Variants in AFF2 observed in about 807,000 individuals in gnomAD.
AFF2 encodes the protein ALF transcription elongation factor 2.
In AFF2, 14 loss-of-function variants were observed where a neutral mutation model predicts 76.9. The ratio of observed to expected loss-of-function variants is 0.18; its 90% confidence interval spans 0.12 to 0.28. The LOEUF (loss-of-function observed/expected upper bound fraction) is 0.28, where lower values mean the gene tolerates loss of function less well. Among genes scored for constraint, AFF2 ranks in the 10% least tolerant of loss-of-function variants. The probability of loss-of-function intolerance (pLI) is 1.00; values close to 1 mark genes in which losing one functional copy is unlikely to be tolerated. For synonymous variants in AFF2, 398 were observed against 366.7 expected, an observed-to-expected ratio of 1.09 and a Z score of -0.98; for missense variants, 868 against 1,001.1, an observed-to-expected ratio of 0.87 and a Z score of 1.79.
chrX:148,720,421 G>A (rs1557263694), intron 3 of AFF2, among the ~76,000 whole-genome samples: 1 of 106,909 alleles, frequency 9.4e-6, no homozygotes, highest in East Asian at 2.9e-4. Flanking sequence ...TTCATATATA[G>A]ATATATATAT....
intron 3 of AFF2, among the ~76,000 whole-genome samples, chrX:148,743,770 A>T (rs1182689280): frequency 9.0e-6 from 1 of 111,052 alleles, no homozygotes; most frequent in Admixed American, 9.6e-5. Context: ...GGGTGGTCAG[A>T]GTAGGGTGTA....
At chrX:148,851,292 CT>C (rs782280314) in intron 7 of AFF2, among the ~76,000 whole-genome samples, 5 of 111,768 alleles carry the variant, frequency 4.5e-5, no homozygotes, top group Non-Finnish European at 7.5e-5. Flanking sequence ...TGACAAATGC[CT>C]TTCTTTGTGG....
At chrX:148,820,607 T>C (rs1356979137) in intron 4 of AFF2, among the ~76,000 whole-genome samples, 1 of 111,792 alleles carries the variant, frequency 8.9e-6, no homozygotes, top group Non-Finnish European at 1.9e-5. Flanking sequence ...TATATCTCTA[T>C]AAAAAATGAC....
chrX:148,668,476 G>C (rs140255990), intron 3 of AFF2, among the ~76,000 whole-genome samples: 6 of 112,501 alleles, frequency 5.3e-5, no homozygotes, highest in African/African-American at 1.9e-4. Context: ...TGGGGGCCCC[G>C]CCTCTGCAGT....
chrX:148,832,537 A>G (rs2070467016), intron 4 of AFF2, among the ~76,000 whole-genome samples: 1 of 112,405 alleles, frequency 8.9e-6, no homozygotes, highest in Non-Finnish European at 1.9e-5. Context: ...TTGCTAAGCC[A>G]AGGCATGCAG....
At chrX:148,958,554 G>A (rs2072070429) in intron 12 of AFF2, 96 bp downstream of exon 12, 38 of 1,065,850 alleles carry the variant, frequency 3.6e-5, no homozygotes, top group Non-Finnish European at 4.5e-5. Flanking sequence ...TGCCCCAGAA[G>A]ACTTTAAGGT....
At chrX:148,735,479 A>C (rs1446127494) in intron 3 of AFF2, among the ~76,000 whole-genome samples, 2 of 112,009 alleles carry the variant, frequency 1.8e-5, no homozygotes, top group Non-Finnish European at 3.8e-5. Flanking sequence ...GAGAATATTA[A>C]AATTTGTTTT....
intron 7 of AFF2, among the ~76,000 whole-genome samples, chrX:148,867,786 T>A (rs1159578377): frequency 9.0e-6 from 1 of 111,679 alleles, no homozygotes; most frequent in Non-Finnish European, 1.9e-5. Context: ...TGTGGTACTC[T>A]GGAATCTTTG....
chrX:148,521,489 C>T lies in AFF2; in HGVS notation c.47+20345C>T, dbSNP rs781921438. Reference sequence around the variant, plus strand: ...TGTCTACCTTTGGTGGTAACTAACACTGCAGCACATTTCGTAGGAGGTAGT... The same window carrying T: ...TGTCTACCTTTGGTGGTAACTAACATTGCAGCACATTTCGTAGGAGGTAGT... On this transcript the variant is annotated intron_variant, in intron 1 of 20. Transcript: ENST00000370460. Among the ~76,000 whole-genome samples, 3 of 111,000 alleles carry T rather than the reference C, an allele frequency of 2.7e-5. No individual in the cohort carries two copies. The East Asian group carries it at 8.6e-4, about 32-fold the overall frequency.
At chrX:148,526,448 C>T (rs148337143) in intron 1 of AFF2, among the ~76,000 whole-genome samples, 1 of 103,042 alleles carries the variant, frequency 9.7e-6, no homozygotes, top group Non-Finnish European at 2.0e-5. Context: ...CTCCTATGTC[C>T]TTTTGATTAT....
At chrX:148,698,211 C>A (rs1460389525) in intron 3 of AFF2, among the ~76,000 whole-genome samples, 1 of 112,296 alleles carries the variant, frequency 8.9e-6, no homozygotes, top group Admixed American at 9.4e-5. Flanking sequence ...CAGGAAGACT[C>A]AAAATTGTTA....
At chrX:148,555,129 A>G (rs1482768774) in intron 1 of AFF2, among the ~76,000 whole-genome samples, 1 of 111,951 alleles carries the variant, frequency 8.9e-6, no homozygotes, top group African/African-American at 3.2e-5. Context: ...ACATTTCATG[A>G]TCATCTGGCT....
chrX:148,980,577 G>A (rs781946922), intron 18 of AFF2, among the ~76,000 whole-genome samples, 161 bp from the exon 19 acceptor site: 1 of 111,558 alleles, frequency 9.0e-6, no homozygotes, highest in African/African-American at 3.3e-5. Context: ...TTCATCGAGT[G>A]TGCGTCGTGG....
At chrX:148,739,564 G>A (rs2055325632) in intron 3 of AFF2, among the ~76,000 whole-genome samples, 1 of 111,615 alleles carries the variant, frequency 9.0e-6, no homozygotes. Flanking sequence ...CAGACAGCTG[G>A]TGACTTCTTA....
chrX:148,874,501 A>C (rs2124106510), intron 7 of AFF2, among the ~76,000 whole-genome samples: 1 of 111,663 alleles, frequency 9.0e-6, no homozygotes, highest in South Asian at 3.9e-4. Context: ...GGTAAATGCA[A>C]GAGCACAGGC....
At chrX:148,549,750 T>C (rs1249722069) in intron 1 of AFF2, among the ~76,000 whole-genome samples, 1 of 111,866 alleles carries the variant, frequency 8.9e-6, no homozygotes, top group Non-Finnish European at 1.9e-5. Context: ...TGTGGTGAGT[T>C]TTTTTCAAAA....
chrX:148,987,465 A>T lies in AFF2; in HGVS notation c.3722A>T (p.His1241Leu), dbSNP rs782399279. Residue 1241 changes from histidine (H) to leucine (L), a missense_variant, in exon 20 of 21, where the codon CAC (histidine) becomes CTC (leucine). Physicochemically the swap from His to Leu is moderately conservative, Grantham distance 99 (BLOSUM62 -3). Around this residue, in one of 6 missense-constraint regions of AFF2, gnomAD observed 46 missense variants for 40.8 expected, o/e 1.13. Coordinates refer to ENST00000370460, the MANE Select transcript of AFF2 (RefSeq NM_002025.4). ...GPVTIPQRIHHMAASHVNITS... is the reference protein window; with the variant it reads ...GPVTIPQRIHLMAASHVNITS... The stretch of plus-strand genomic sequence containing the variant: ...GTCACCATTCCCCAGCGCATTCACC[A>T]CATGGCTGCCAGCCACGTCAACATC... The T allele has an allele frequency of 1.4e-5, 17 of 1,209,533 alleles. No individual in the cohort carries two copies.
chrX:148,949,171 C>T (rs1445755878), intron 9 of AFF2, among the ~76,000 whole-genome samples: 1 of 111,118 alleles, frequency 9.0e-6, no homozygotes, highest in African/African-American at 3.3e-5. Context: ...TTCAATGTGG[C>T]CTTTGGCCTC....
At chrX:148,740,876 A>T (rs782656110) in intron 3 of AFF2, among the ~76,000 whole-genome samples, 9 of 111,340 alleles carry the variant, frequency 8.1e-5, no homozygotes, top group Non-Finnish European at 1.5e-4. Flanking sequence ...TTTCCTGGGG[A>T]TGTGGCTTCC....
Sources: allele counts gnomAD v4.1 joint callset (sites outside exome capture counted in the v4.1 genomes callset), GRCh38; gene constraint gnomAD v4.1.1; regional missense constraint gnomAD v4.1.1; transcripts MANE v1.5; gene names NCBI Gene and HGNC (gene_info 2026-07-23, HGNC 2026-07-21).